The following TSHZ1 variants were observed in gnomAD, a reference collection of about 807,000 sequenced individuals.
TSHZ1 encodes the protein teashirt homolog 1.
TSHZ1 carries 12 observed loss-of-function variants against 67.1 expected under a neutral mutation model. The ratio of observed to expected loss-of-function variants is 0.18; its 90% confidence interval spans 0.11 to 0.29. The LOEUF (loss-of-function observed/expected upper bound fraction) is 0.29, where lower values mean the gene tolerates loss of function less well. Among genes scored for constraint, TSHZ1 ranks in the 10% least tolerant of loss-of-function variants. TSHZ1 has a pLI of 1.00. For missense variants in TSHZ1, 1,305 were observed against 1,413.9 expected, an observed-to-expected ratio of 0.92 and a Z score of 1.23; for synonymous variants, 632 against 622.4, an observed-to-expected ratio of 1.02 and a Z score of -0.23.
At chr18:75,268,320 T>C (rs1273663009) in intron 1 of TSHZ1, among the ~76,000 whole-genome samples, 1 of 152,204 alleles carries the variant, frequency 6.6e-6, no homozygotes, top group African/African-American at 2.4e-5. Context: ...CTTTTCTACA[T>C]GATAGGAGAG....
chr18:75,278,020 C>G (rs1174010583), intron 1 of TSHZ1, among the ~76,000 whole-genome samples: 2 of 152,070 alleles, frequency 1.3e-5, no homozygotes, highest in Non-Finnish European at 2.9e-5. Context: ...CCTTCCATCT[C>G]TCTCTCCTTC....
chr18:75,250,116 C>T (rs1301343370), intron 1 of TSHZ1, among the ~76,000 whole-genome samples: 1 of 151,112 alleles, frequency 6.6e-6, no homozygotes, highest in African/African-American at 2.4e-5. Flanking sequence ...GGACGCATGA[C>T]CTCCCCGTCT....
intron 1 of TSHZ1, among the ~76,000 whole-genome samples, chr18:75,233,454 T>C (rs1368120331): frequency 2.0e-5 from 3 of 152,242 alleles, no homozygotes; most frequent in African/African-American, 4.8e-5. Flanking sequence ...CTGCCAATCA[T>C]GTCAGCTCTT....
Position 75,287,230 on chromosome 18 carries a change from G to A in TSHZ1, c.1823G>A (p.Gly608Asp). The A allele has an allele frequency of 6.2e-7, 1 of 1,613,922 alleles. No individual in the cohort carries two copies. The highest frequency in any genetic ancestry group is 1.3e-5 in the African/African-American group (1 of 75,048). The change falls in exon 2 of 2, where the codon GGC becomes GAC. Residue 608 changes from glycine (G) to aspartate (D), a missense_variant. By Grantham distance (94) the Gly-to-Asp change is moderately conservative. Coordinates refer to ENST00000580243, the MANE Select transcript of TSHZ1 (RefSeq NM_001308210.2). This position sits in a 1 kb window ranked among gnomAD's most constrained non-coding sequence, Gnocchi z 5.0. ...CAGGTGCAGCCGTCCTATGCTGGCG[G>A]CGTGAAGTCGCTGTCTTCCGCCGAG... is the stretch of plus-strand genomic sequence containing the variant. The part of the protein sequence containing the change: ...SVQVQPSYAG[G>D]VKSLSSAEHN...
intron 1 of TSHZ1, chr18:75,284,958 ATTGC>A (rs1204626665): frequency 2.6e-5 from 4 of 152,468 alleles, no homozygotes; most frequent in Admixed American, 1.3e-4. Context: ...GAGTGTTTTC[ATTGC>A]TTGCCATTGA....
At chr18:75,241,886 G>A (rs1362264995) in intron 1 of TSHZ1, among the ~76,000 whole-genome samples, 3 of 148,424 alleles carry the variant, frequency 2.0e-5, no homozygotes, top group Middle Eastern at 3.2e-3. Context: ...TGCCTTCTCC[G>A]TGTGTCCTCT....
At chr18:75,270,532 C>T (rs2023544533) in intron 1 of TSHZ1, among the ~76,000 whole-genome samples, 1 of 152,194 alleles carries the variant, frequency 6.6e-6, no homozygotes, top group Non-Finnish European at 1.5e-5. Flanking sequence ...GGAAAATACC[C>T]TTCTCTATCC....
rs201449078 is a variant in TSHZ1, at chr18:75,237,788, T to A, written c.40+25872T>A. On this transcript the variant is annotated intron_variant, in intron 1 of 1. Transcript: ENST00000580243. The stretch of plus-strand genomic sequence containing the variant: ...ATGAATTAGACTGAAGCCTTCTTTC[T>A]TTCATTTATTTATTTATTTATTTAT... Among the ~76,000 whole-genome samples the A allele has an allele frequency of 9.2e-3, 810 of 87,764 alleles. 1 individual carries two copies. The highest frequency in any genetic ancestry group is 0.047 in the Middle Eastern group (7 of 148). The allele number at this position is 87,764 out of a possible 152,430, so 57.6% of individuals were successfully genotyped here.
intron 1 of TSHZ1, among the ~76,000 whole-genome samples, chr18:75,234,697 G>T (rs545717897): frequency 6.6e-6 from 1 of 152,106 alleles, no homozygotes; most frequent in South Asian, 2.1e-4. Context: ...AAAAAATGCT[G>T]TGAGGTTGTG....
chr18:75,272,895 C>T (rs963983779), intron 1 of TSHZ1, among the ~76,000 whole-genome samples: 1 of 152,156 alleles, frequency 6.6e-6, no homozygotes, highest in African/African-American at 2.4e-5. Flanking sequence ...GTCAGCTGGC[C>T]TGTCATATTA....
intron 1 of TSHZ1, among the ~76,000 whole-genome samples, chr18:75,233,792 G>A (rs1024921747): frequency 1.3e-5 from 2 of 152,106 alleles, no homozygotes; most frequent in Admixed American, 6.5e-5. Flanking sequence ...CTGAATTGTC[G>A]AAGTCTACCT....
chr18:75,260,941 G>A (rs1043204229), intron 1 of TSHZ1, among the ~76,000 whole-genome samples: 10 of 152,034 alleles, frequency 6.6e-5, no homozygotes, highest in Admixed American at 2.6e-4. Flanking sequence ...AAAATGGATG[G>A]ACATTTCTCA....
intron 1 of TSHZ1, among the ~76,000 whole-genome samples, chr18:75,220,784 T>C (rs1027913147): frequency 1.3e-5 from 2 of 152,248 alleles, no homozygotes; most frequent in Admixed American, 6.5e-5. Flanking sequence ...TAAGCAGTTT[T>C]CTTAGATGAT....
chr18:75,281,182 G>C lies in TSHZ1; in HGVS notation c.41-4266G>C, dbSNP rs1371138075. The stretch of plus-strand genomic sequence containing the variant: ...CCAGGAGTGGAGCGAGGTCATCTGG[G>C]GACGTTGGAAGGCTCTGGCCACAGC... On this transcript the variant is annotated intron_variant, in intron 1 of 1. Coordinates refer to ENST00000580243, the MANE Select transcript of TSHZ1 (RefSeq NM_001308210.2). The surrounding 1 kb of genome is among the most constrained non-coding windows in gnomAD (Gnocchi z 5.3). 6.6e-6 allele frequency among the ~76,000 whole-genome samples: 1 copy of C among 152,208 alleles called. No individual in the cohort carries two copies. Among genetic ancestry groups the C allele is most frequent in the Non-Finnish European group, 1.5e-5 (1 of 68,040 alleles).
At chr18:75,243,303 C>T (rs2023180595) in intron 1 of TSHZ1, among the ~76,000 whole-genome samples, 1 of 152,190 alleles carries the variant, frequency 6.6e-6, no homozygotes. Flanking sequence ...TGTTGAGTGT[C>T]TGTCGTATCT....
intron 1 of TSHZ1, among the ~76,000 whole-genome samples, chr18:75,249,934 G>A (rs181170818): frequency 2.1e-4 from 32 of 150,312 alleles, no homozygotes; most frequent in Admixed American, 1.2e-3. Context: ...CAGTAGGTGG[G>A]AGGGTTGACT....
Position 75,287,184 on chromosome 18 carries a change from C to G in TSHZ1, c.1777C>G (p.Pro593Ala). 6.2e-7 allele frequency: 1 copy of G among 1,613,588 alleles called. No individual in the cohort carries two copies. Among genetic ancestry groups the G allele is most frequent in the South Asian group, 1.1e-5 (1 of 91,036 alleles). ...YQLPGTVKPL[P>A]AAVQSVQVQP... The stretch of plus-strand genomic sequence containing the variant: ...GCTCCCGGGCACCGTGAAGCCACTG[C>G]CGGCGGCCGTGCAGAGCGTGCAGGT... The change falls in exon 2 of 2, where the codon CCG becomes GCG. Residue 593 changes from proline to alanine, a missense_variant. Pro to Ala is a conservative substitution (Grantham distance 27). This residue lies in a region of TSHZ1 where 909 missense variants were observed against 961.8 expected (regional missense o/e 0.95). Transcript: ENST00000580243. This position sits in a 1 kb window ranked among gnomAD's most constrained non-coding sequence, Gnocchi z 5.0.
At chr18:75,282,605 C>T (rs926611152) in intron 1 of TSHZ1, among the ~76,000 whole-genome samples, 2 of 152,172 alleles carry the variant, frequency 1.3e-5, no homozygotes, top group African/African-American at 4.8e-5. Flanking sequence ...TGGAAGAGCT[C>T]TCTCTTTCCA....
chr18:75,251,493 G>GTTTTTTT (rs3067027), intron 1 of TSHZ1, among the ~76,000 whole-genome samples: 1 of 139,428 alleles, frequency 7.2e-6, no homozygotes, highest in African/African-American at 2.6e-5. Context: ...TTTCTTTAGG[G>GTTTTTTT]TTTTTTTTTT....
Sources: allele counts gnomAD v4.1 joint callset (sites outside exome capture counted in the v4.1 genomes callset), GRCh38; gene constraint gnomAD v4.1.1; regional missense constraint gnomAD v4.1.1; non-coding constraint Gnocchi (gnomAD v3.1); transcripts MANE v1.5; gene names NCBI Gene and HGNC (gene_info 2026-07-23, HGNC 2026-07-21).